KCNQ1: variants seen among roughly 807,000 people sequenced by gnomAD.
KCNQ1 encodes potassium voltage-gated channel subfamily Q member 1, also known as potassium voltage-gated channel subfamily KQT member 1.
A neutral mutation model predicts 72.4 loss-of-function variants in KCNQ1; 49 were observed. The ratio of observed to expected loss-of-function variants is 0.68; its 90% CI spans 0.54 to 0.86. The LOEUF is 0.86. Among genes scored for constraint, KCNQ1 ranks in the 40% least tolerant of loss-of-function variants. KCNQ1 has a pLI of 0.00. For missense variants in KCNQ1, 790 were observed against 945.1 expected, an observed-to-expected ratio of 0.84 and a Z score of 2.15; for synonymous variants, 450 against 412.6, an observed-to-expected ratio of 1.09 and a Z score of -1.10.
At chr11:2,591,025 A>T (rs1331952179) in intron 10 of KCNQ1, among the ~76,000 whole-genome samples, 1 of 152,160 alleles carries the variant, frequency 6.6e-6, no homozygotes, top group Non-Finnish European at 1.5e-5. Context: ...CCCTTTGGTC[A>T]TTTCTGCATC....
At position 2,518,532 on chromosome 11, in the gene KCNQ1, G is replaced by A. The variant is rs1122603; in HGVS notation, c.387-9396G>A. Among the ~76,000 whole-genome samples, 817 of 152,286 alleles carry A rather than the reference G, an allele frequency of 5.4e-3. 8 individuals carry two copies. The highest frequency in any genetic ancestry group is 0.019 in the African/African-American group (788 of 41,552). ...GGCAGGAAGGGACCTGTTTCTTGGG[G>A]TTCCCAGTCCAGATCTGTGTTGGAA... On this transcript the variant is annotated intron_variant, in intron 1 of 15. Transcript: ENST00000155840.
At chr11:2,521,045 A>G (rs1404814183) in intron 1 of KCNQ1, among the ~76,000 whole-genome samples, 5 of 97,256 alleles carry the variant, frequency 5.1e-5, no homozygotes, top group African/African-American at 2.0e-4. Context: ...GCTTTAAAAA[A>G]AGTTTTTTTT....
Position 2,703,232 on chromosome 11 carries a change from G to A in KCNQ1, c.1514+41151G>A, listed in dbSNP as rs1850849281. On this transcript the variant is annotated intron_variant, in intron 11 of 15. Coordinates refer to ENST00000155840, the MANE Select transcript of KCNQ1 (RefSeq NM_000218.3). This position sits in a 1 kb window ranked among gnomAD's most constrained non-coding sequence, Gnocchi z 6.4. ...CTGAATTGTTCTGTGGGTTGTGGAA[G>A]GCTTTGAAATTTGGCGCCTGCACCT... Among the ~76,000 whole-genome samples the A allele has an allele frequency of 6.6e-6, 1 of 152,184 alleles. No individual in the cohort carries two copies. The highest frequency in any genetic ancestry group is 2.1e-4 in the South Asian group (1 of 4,826).
At chr11:2,820,625 G>A (rs1298425814) in intron 15 of KCNQ1, among the ~76,000 whole-genome samples, 1 of 152,162 alleles carries the variant, frequency 6.6e-6, no homozygotes, top group South Asian at 2.1e-4. Context: ...CAGTTTCTGA[G>A]AGACAGGCAC....
At position 2,676,550 on chromosome 11, in the gene KCNQ1, T is replaced by A; in HGVS notation, c.1514+14469T>A. 2.5e-6 allele frequency: 1 copy of A among 398,588 alleles called. No homozygotes were observed. The highest frequency in any genetic ancestry group is 3.6e-5 in the East Asian group (1 of 28,078). 24.7% of individuals were successfully genotyped at this position (398,588 alleles called of 1,614,324 possible). A position where few individuals can be genotyped will look rare whatever the true frequency, so the allele number is the denominator to read the frequency against. On this transcript the variant is annotated intron_variant, in intron 11 of 15. Transcript: ENST00000155840. The surrounding 1 kb of genome is among the most constrained non-coding windows in gnomAD (Gnocchi z 4.2). ...CATAGAGGTAGTGGTACAGGAAAGGTCTAAGAAGGCTAAGGACCATCATAC... is the reference window on the plus strand; with the variant it reads ...CATAGAGGTAGTGGTACAGGAAAGGACTAAGAAGGCTAAGGACCATCATAC...
At position 2,687,687 on chromosome 11, in the gene KCNQ1, T is replaced by A. The variant is rs1850514551; in HGVS notation, c.1514+25606T>A. 3 of 398,646 alleles carry A rather than the reference T, an allele frequency of 7.5e-6. No homozygotes were observed. In the Admixed American group the frequency reaches 1.3e-4, roughly 18 times the overall value. The allele number at this position is 398,646 out of a possible 1,614,324, so 24.7% of individuals were successfully genotyped here. A position where few individuals can be genotyped will look rare whatever the true frequency, so the allele number is the denominator to read the frequency against. ...AGCCAGGTCTCAGGGAGCTCAGGGT[T>A]CAGTGTTGGAATGGGTCTGGGCCCA... On this transcript the variant is annotated intron_variant, in intron 11 of 15. Transcript: ENST00000155840. This position sits in a 1 kb window ranked among gnomAD's most constrained non-coding sequence, Gnocchi z 5.0.
chr11:2,520,472 C>A (rs1490192523), intron 1 of KCNQ1, among the ~76,000 whole-genome samples: 1 of 152,204 alleles, frequency 6.6e-6, no homozygotes, highest in African/African-American at 2.4e-5. Context: ...GACCTCCAAA[C>A]CCTGCTGAGG....
chr11:2,591,705 T>C (rs926682687), intron 10 of KCNQ1, among the ~76,000 whole-genome samples: 1 of 152,230 alleles, frequency 6.6e-6, no homozygotes, highest in African/African-American at 2.4e-5. Context: ...CTGCGGAATG[T>C]TAATGAGGGG....
In KCNQ1 at chr11:2,612,260, A is replaced by G. The variant is rs1420639103; in HGVS notation, c.1393+23406A>G. On this transcript the variant is annotated intron_variant, in intron 10 of 15. Coordinates refer to ENST00000155840, the MANE Select transcript of KCNQ1 (RefSeq NM_000218.3). The surrounding 1 kb of genome is among the most constrained non-coding windows in gnomAD (Gnocchi z 5.5). ...TAGATTCTCACAGAGAGCAAATCCT[A>G]TTGTGAACTGAGCATGTGAGGGATC... 1.0e-5 allele frequency: 4 copies of G among 398,496 alleles called. No homozygotes were observed. Among genetic ancestry groups the G allele is most frequent in the Admixed American group, 4.4e-5 (1 of 22,720 alleles). 24.7% of individuals were successfully genotyped at this position (398,496 alleles called of 1,614,324 possible).
Position 2,703,086 on chromosome 11 carries a change from T to G in KCNQ1, c.1514+41005T>G, listed in dbSNP as rs992955155. Among the ~76,000 whole-genome samples, 4 of 152,104 alleles carry G rather than the reference T, an allele frequency of 2.6e-5. No homozygotes were observed. The highest frequency in any genetic ancestry group is 9.7e-5 in the African/African-American group (4 of 41,388). ...GAGAAGCATGTGAGGCTGGGCGGACTCCAGGCCAGCCCCAGAGGCAGATGG... is the reference window on the plus strand; with the variant it reads ...GAGAAGCATGTGAGGCTGGGCGGACGCCAGGCCAGCCCCAGAGGCAGATGG... On this transcript the variant is annotated intron_variant, in intron 11 of 15. Transcript: ENST00000155840. This position sits in a 1 kb window ranked among gnomAD's most constrained non-coding sequence, Gnocchi z 6.4.
At position 2,621,451 on chromosome 11, in the gene KCNQ1, T is replaced by G; in HGVS notation, c.1393+32597T>G. ...TTATGGATTCTGGACATAGGACCTTTGCCAGATGAATAGTTTGCAAATATT... is the reference window on the plus strand; with the variant it reads ...TTATGGATTCTGGACATAGGACCTTGGCCAGATGAATAGTTTGCAAATATT... On this transcript the variant is annotated intron_variant, in intron 10 of 15. Transcript: ENST00000155840. This position sits in a 1 kb window ranked among gnomAD's most constrained non-coding sequence, Gnocchi z 5.7. 2.5e-6 allele frequency: 1 copy of G among 398,624 alleles called. No individual in the cohort carries two copies. 24.7% of individuals were successfully genotyped at this position (398,624 alleles called of 1,614,324 possible). A position where few individuals can be genotyped will look rare whatever the true frequency, so the allele number is the denominator to read the frequency against.
In KCNQ1 at chr11:2,464,901, G is replaced by A. The variant is rs1192693059; in HGVS notation, c.386+19417G>A. 2.6e-5 allele frequency among the ~76,000 whole-genome samples: 4 copies of A among 152,134 alleles called. No homozygotes were observed. Among genetic ancestry groups the A allele is most frequent in the Non-Finnish European group, 4.4e-5 (3 of 68,018 alleles). ...AAGGTAGTTCAAAGTCCTCCTGCCC[G>A]AGGAAGTAAGACAGCAATCTCTGGG... is the stretch of plus-strand genomic sequence containing the variant. On this transcript the variant is annotated intron_variant, in intron 1 of 15. Transcript: ENST00000155840. This position sits in a 1 kb window ranked among gnomAD's most constrained non-coding sequence, Gnocchi z 5.0.
Position 2,559,691 on chromosome 11 carries a change from C to T in KCNQ1, c.478-10937C>T, listed in dbSNP as rs1848130725. ...GGGCTAGTTCTGGAGGGAAAGCGGCCTCGTGCCTCCCAGAGTCACCCCGAA... is the reference window on the plus strand; with the variant it reads ...GGGCTAGTTCTGGAGGGAAAGCGGCTTCGTGCCTCCCAGAGTCACCCCGAA... On this transcript the variant is annotated intron_variant, in intron 2 of 15. Coordinates refer to ENST00000155840, the MANE Select transcript of KCNQ1 (RefSeq NM_000218.3). This position sits in a 1 kb window ranked among gnomAD's most constrained non-coding sequence, Gnocchi z 4.9. Among the ~76,000 whole-genome samples, 1 of 152,178 alleles carries T rather than the reference C, an allele frequency of 6.6e-6. No individual in the cohort carries two copies. Among genetic ancestry groups the T allele is most frequent in the African/African-American group, 2.4e-5 (1 of 41,434 alleles).
chr11:2,768,638 A>G lies in KCNQ1; in HGVS notation c.1515-206A>G, dbSNP rs1364119137. 6.6e-6 allele frequency among the ~76,000 whole-genome samples: 1 copy of G among 152,056 alleles called. No individual in the cohort carries two copies. Among genetic ancestry groups the G allele is most frequent in the Non-Finnish European group, 1.5e-5 (1 of 68,018 alleles). Reference sequence around the variant, plus strand: ...TTCCCACTCACAGATGAGGTGAAACATTTCACCTTGAAAAGCCTCTTGCCC... The same window carrying G: ...TTCCCACTCACAGATGAGGTGAAACGTTTCACCTTGAAAAGCCTCTTGCCC... On this transcript the variant is annotated intron_variant, in intron 11 of 15. Transcript: ENST00000155840. This position sits in a 1 kb window ranked among gnomAD's most constrained non-coding sequence, Gnocchi z 6.7.
Position 2,711,879 on chromosome 11 carries a change from C to T in KCNQ1, c.1514+49798C>T, listed in dbSNP as rs939799309. ...TTTGAGGGGAGGCAGAGTTGGCTCA[C>T]GGGAAAGGCTGGCCCTGAGGCATGG... On this transcript the variant is annotated intron_variant, in intron 11 of 15. Coordinates refer to ENST00000155840, the MANE Select transcript of KCNQ1 (RefSeq NM_000218.3). This position sits in a 1 kb window ranked among gnomAD's most constrained non-coding sequence, Gnocchi z 5.4. Among the ~76,000 whole-genome samples the T allele has an allele frequency of 3.9e-5, 6 of 152,070 alleles. No individual in the cohort carries two copies. The highest frequency in any genetic ancestry group is 1.9e-4 in the East Asian group (1 of 5,182).
At chr11:2,730,783 T>C (rs1383775319) in intron 11 of KCNQ1, among the ~76,000 whole-genome samples, 2 of 152,032 alleles carry the variant, frequency 1.3e-5, no homozygotes, top group African/African-American at 4.8e-5. Flanking sequence ...TCTTCAGTAA[T>C]GGTGGTTTCG....
chr11:2,530,025 TCATGTCCTATCA>T (rs781027720), intron 2 of KCNQ1, among the ~76,000 whole-genome samples: 64 of 152,354 alleles, frequency 4.2e-4, no homozygotes, highest in Middle Eastern at 3.4e-3. Flanking sequence ...CGTGTGAGTT[TCATGTCCTATCA>T]CATTGTACTC....
intron 1 of KCNQ1, among the ~76,000 whole-genome samples, chr11:2,496,993 C>T (rs559523249): frequency 6.6e-6 from 1 of 152,212 alleles, no homozygotes; most frequent in East Asian, 1.9e-4. Context: ...AATATTGGCT[C>T]CCACTCTCTT....
At chr11:2,452,095 G>C (rs554018946) in intron 1 of KCNQ1, among the ~76,000 whole-genome samples, 2 of 152,338 alleles carry the variant, frequency 1.3e-5, no homozygotes, top group South Asian at 2.1e-4. Flanking sequence ...CTCACCCAGA[G>C]AGTGCAGGTT....
Sources: gnomAD v4.1 joint callset for allele counts (sites outside exome capture counted in the v4.1 genomes callset) on GRCh38, gnomAD v4.1.1 for gene constraint, Gnocchi (gnomAD v3.1) non-coding constraint, MANE v1.5 for transcripts, NCBI Gene and HGNC (gene_info 2026-07-23, HGNC 2026-07-21) for gene names.